Variants in ZNF75D observed in about 807,000 individuals in gnomAD.
ZNF75D encodes zinc finger protein 75D.
Under a neutral mutation model 33.3 loss-of-function variants are expected in ZNF75D, and 33 were observed. The ratio of observed to expected loss-of-function variants is 0.99; its 90% CI spans 0.75 to 1.32. ZNF75D has a LOEUF of 1.32. ZNF75D is among the 40% of genes most tolerant of loss of function. The pLI is 0.00. For synonymous variants in ZNF75D, 113 were observed against 130.6 expected (o/e 0.87, Z 0.92); for missense variants, 338 against 367.5 (o/e 0.92, Z 0.66).
At chrX:135,275,894 G>C (rs1409912620) in intron 1 of ZNF75D, among the ~76,000 whole-genome samples, 2 of 111,170 alleles carry the variant, frequency 1.8e-5, no homozygotes, top group Admixed American at 9.7e-5. Context: ...GTATACTTTC[G>C]TAAACAGAAT....
intron 1 of ZNF75D, among the ~76,000 whole-genome samples, chrX:135,310,926 T>G (rs782291583): frequency 1.9e-4 from 21 of 110,554 alleles, no homozygotes; most frequent in Non-Finnish European, 3.6e-4. Flanking sequence ...GACATCCAGG[T>G]AGAGGGGCCT....
At chrX:135,250,376 G>A (rs2083776614) in intron 3 of ZNF75D, among the ~76,000 whole-genome samples, 1 of 93,602 alleles carries the variant, frequency 1.1e-5, no homozygotes, top group Non-Finnish European at 2.1e-5. Flanking sequence ...GTGTGACCTG[G>A]GTCGCTTTAA....
chrX:135,321,910 A>G (rs1017820410), intron 1 of ZNF75D, among the ~76,000 whole-genome samples: 22 of 112,094 alleles, frequency 2.0e-4, no homozygotes, highest in African/African-American at 7.1e-4. Flanking sequence ...CAGGGTGCAA[A>G]TACAAAGGAA....
At chrX:135,311,574 T>C (rs2084359199) in intron 1 of ZNF75D, among the ~76,000 whole-genome samples, 1 of 112,291 alleles carries the variant, frequency 8.9e-6, no homozygotes, top group Non-Finnish European at 1.9e-5. Flanking sequence ...ATCTACTCTT[T>C]TATCAGTTTT....
At chrX:135,299,466 T>C (rs2084182978) in intron 1 of ZNF75D, among the ~76,000 whole-genome samples, 1 of 112,158 alleles carries the variant, frequency 8.9e-6, no homozygotes, top group Admixed American at 9.5e-5. Flanking sequence ...CTTTGCTCAT[T>C]TTTAACTGTT....
chrX:135,305,302 T>C (rs2084271805), intron 1 of ZNF75D, among the ~76,000 whole-genome samples: 1 of 111,746 alleles, frequency 8.9e-6, no homozygotes, highest in Admixed American at 9.5e-5. Flanking sequence ...GACTCCCTCC[T>C]ACATAGGCAC....
downstream of ZNF75D, among the ~76,000 whole-genome samples, chrX:135,283,939 T>C (rs2083930549): frequency 9.0e-6 from 1 of 111,717 alleles, no homozygotes; most frequent in Admixed American, 9.5e-5. Context: ...CCTGAGTCCC[T>C]GACTTCCAAT....
downstream of ZNF75D, among the ~76,000 whole-genome samples, chrX:135,285,518 A>G (rs1276856428): frequency 8.9e-6 from 1 of 112,408 alleles, no homozygotes; most frequent in Non-Finnish European, 1.9e-5. Context: ...GAATGCTTAA[A>G]AGCTGGGCAA....
rs60550937 is a variant in ZNF75D, at chrX:135,289,627, G to GAC, written c.823+1380_823+1381dup. On this transcript the variant is annotated intron_variant, in intron 6 of 6. Transcript: ENST00000370766. Reference sequence around the variant, plus strand: ...TGAGACTCTGACACACACACACACAGACACACACACACACACACACACACA... The same window carrying GAC: ...TGAGACTCTGACACACACACACACAGACACACACACACACACACACACACACA... Among the ~76,000 whole-genome samples the GAC allele has an allele frequency of 4.7e-3, 419 of 88,899 alleles. 2 individuals are homozygous for GAC. The highest frequency in any genetic ancestry group is 0.012 in the African/African-American group (263 of 22,857). The allele number at this position is 88,899 out of a possible 115,157, so 77.2% of individuals were successfully genotyped here.
intron 6 of ZNF75D, among the ~76,000 whole-genome samples, chrX:135,289,840 C>A (rs1206926696): frequency 4.5e-5 from 5 of 111,808 alleles, no homozygotes; most frequent in African/African-American, 1.6e-4. Flanking sequence ...GTGTGATCTG[C>A]TCTATTTTCA....
chrX:135,295,499 A>C (rs1242864331), intron 2 of ZNF75D, among the ~76,000 whole-genome samples: 1 of 111,927 alleles, frequency 8.9e-6, no homozygotes, highest in Non-Finnish European at 1.9e-5. Context: ...ATATTTGTAC[A>C]TCCGGTAGAA....
intron 1 of ZNF75D, among the ~76,000 whole-genome samples, chrX:135,307,188 C>CAAA (rs1277391455): frequency 1.8e-5 from 2 of 111,824 alleles, no homozygotes; most frequent in Admixed American, 1.9e-4. Flanking sequence ...CTTCCCACTG[C>CAAA]AAATTGTTTA....
chrX:135,258,640 T>C (rs1442185503), intron 1 of ZNF75D, among the ~76,000 whole-genome samples: 2 of 111,207 alleles, frequency 1.8e-5, no homozygotes, highest in Non-Finnish European at 3.8e-5. Context: ...TTTGATGGGG[T>C]TGTTTGTTTT....
At chrX:135,303,575 G>A (rs1157094156) in intron 1 of ZNF75D, among the ~76,000 whole-genome samples, 1 of 112,412 alleles carries the variant, frequency 8.9e-6, no homozygotes, top group Non-Finnish European at 1.9e-5. Context: ...AGGTTTGGGG[G>A]TAAGGTTACA....
chrX:135,340,794 G>A (rs782723599), intron 1 of ZNF75D, among the ~76,000 whole-genome samples: 17 of 112,175 alleles, frequency 1.5e-4, no homozygotes, highest in African/African-American at 5.5e-4. Flanking sequence ...AGATTTGTGA[G>A]AGGAGCCCCT....
downstream of ZNF75D, among the ~76,000 whole-genome samples, chrX:135,281,904 C>T (rs1214941873): frequency 8.9e-6 from 1 of 112,300 alleles, no homozygotes; most frequent in African/African-American, 3.2e-5. Flanking sequence ...AGCTGGAGCT[C>T]TCCTTTATGA....
chrX:135,323,989 G>GCA (rs34146473), intron 1 of ZNF75D, among the ~76,000 whole-genome samples: 3,765 of 97,533 alleles, frequency 0.039, 67 homozygotes, highest in South Asian at 0.057. Context: ...ACTTGTTGCA[G>GCA]CACACACACA....
intron 1 of ZNF75D, among the ~76,000 whole-genome samples, chrX:135,268,156 C>G (rs1334847081): frequency 1.0e-5 from 1 of 97,072 alleles, no homozygotes; most frequent in Non-Finnish European, 2.1e-5. Flanking sequence ...ATCTAGTATG[C>G]TGAATGGGGA....
intron 1 of ZNF75D, among the ~76,000 whole-genome samples, chrX:135,319,584 C>G (rs1157928649): frequency 1.8e-5 from 2 of 111,551 alleles, no homozygotes; most frequent in African/African-American, 3.3e-5. Flanking sequence ...TCTTTTTTGG[C>G]CATTACATGA....
Sources: allele counts gnomAD v4.1 joint callset (sites outside exome capture counted in the v4.1 genomes callset), GRCh38; gene constraint gnomAD v4.1.1; transcripts MANE v1.5; gene names NCBI Gene and HGNC (gene_info 2026-07-23, HGNC 2026-07-21).